The following PRKD3 variants were observed in gnomAD, a reference collection of about 807,000 sequenced individuals.
PRKD3 encodes the protein protein kinase D3.
Under a neutral mutation model 99.2 loss-of-function variants are expected in PRKD3, and 47 were observed. The ratio of observed to expected loss-of-function variants is 0.47; its 90% CI spans 0.38 to 0.60. PRKD3 has a LOEUF of 0.60. Ranked by LOEUF, PRKD3 falls within the 20% of genes least tolerant of loss-of-function variation. The pLI, the probability that PRKD3 is intolerant of heterozygous loss-of-function variation, is 0.00. For missense variants in PRKD3, 1,019 were observed against 1,088.4 expected, an observed-to-expected ratio of 0.94 and a Z score of 0.90; for synonymous variants, 392 against 355.4, an observed-to-expected ratio of 1.10 and a Z score of -1.16.
At chr2:37,285,539 C>A (rs1283978303) in intron 6 of PRKD3, among the ~76,000 whole-genome samples, 3 of 151,986 alleles carry the variant, frequency 2.0e-5, no homozygotes, top group East Asian at 1.9e-4. Context: ...ACAAAAAAAA[C>A]CCAAAACTCT....
chr2:37,266,178 G>C (rs922033212), intron 14 of PRKD3, among the ~76,000 whole-genome samples: 1 of 152,148 alleles, frequency 6.6e-6, no homozygotes, highest in South Asian at 2.1e-4. Context: ...CTCTGAAAAA[G>C]TGAGGTAAAT....
intron 2 of PRKD3, among the ~76,000 whole-genome samples, chr2:37,311,835 T>C (rs1671438372): frequency 6.6e-6 from 1 of 152,142 alleles, no homozygotes; most frequent in Non-Finnish European, 1.5e-5. Context: ...TAGATAGAAC[T>C]CTTAAACAGA....
In PRKD3 at chr2:37,279,938, A is replaced by T. The variant is rs570918619; in HGVS notation, c.989-9T>A. 1 of 1,569,850 alleles carries T rather than the reference A, an allele frequency of 6.4e-7. No homozygotes were observed. On this transcript the variant is annotated splice_polypyrimidine_tract_variant and intron_variant, in intron 7 of 18. Coordinates refer to ENST00000234179, the MANE Select transcript of PRKD3 (RefSeq NM_005813.6). The stretch of plus-strand genomic sequence containing the variant: ...TCCCAGACTGGAAGGTTCTGGGAAA[A>T]TTTTAAATGAATTTCAGAGTTTTAT...
At chr2:37,297,040 T>C (rs905226695) in intron 2 of PRKD3, among the ~76,000 whole-genome samples, 1 of 151,910 alleles carries the variant, frequency 6.6e-6, no homozygotes, top group Middle Eastern at 3.2e-3. Context: ...TTATGAAGAA[T>C]TATACAGAAC....
chr2:37,260,337 G>T lies in PRKD3; in HGVS notation c.1932C>A (p.Thr644=). 6.2e-7 allele frequency: 1 copy of T among 1,611,122 alleles called. No individual in the cohort carries two copies. The highest frequency in any genetic ancestry group is 1.1e-5 in the South Asian group (1 of 90,998). The change falls in exon 15 of 19, where the codon ACC becomes ACA. Residue 644 remains threonine (T), a synonymous_variant. Coordinates refer to ENST00000234179, the MANE Select transcript of PRKD3 (RefSeq NM_005813.6). The part of the protein sequence containing the change: ...GIVNLECMFE[T]PERVFVVMEK... Reference sequence around the variant, plus strand: ...CCATTACTACAAAGACTCGTTCTGGGGTTTCAAACATACATTCCAGGTTTA... The same window carrying T: ...CCATTACTACAAAGACTCGTTCTGGTGTTTCAAACATACATTCCAGGTTTA...
intron 16 of PRKD3, among the ~76,000 whole-genome samples, 173 bp from the exon 17 acceptor site, chr2:37,257,102 C>T (rs143602928): frequency 7.9e-5 from 12 of 152,242 alleles, no homozygotes; most frequent in African/African-American, 2.9e-4. Flanking sequence ...AAGGCAGACA[C>T]ATTTATAGCC....
chr2:37,256,444 T>C (rs1341635634), intron 17 of PRKD3, among the ~76,000 whole-genome samples: 1 of 152,160 alleles, frequency 6.6e-6, no homozygotes, highest in East Asian at 1.9e-4. Flanking sequence ...CTGGGGCCTA[T>C]GTAAGTGCTA....
intron 11 of PRKD3, among the ~76,000 whole-genome samples, chr2:37,273,265 T>C (rs1323069073): frequency 1.3e-5 from 2 of 152,186 alleles, no homozygotes; most frequent in Non-Finnish European, 2.9e-5. Context: ...TTAATTAGAA[T>C]GACATAGAGT....
chr2:37,269,336 C>T (rs1558537644), intron 13 of PRKD3: 1 of 356,526 alleles, frequency 2.8e-6, no homozygotes, highest in South Asian at 3.0e-5. Context: ...AAACCATCTC[C>T]CCCCCTGCCT....
At position 37,252,841 on chromosome 2, in the gene PRKD3, T is replaced by TATATATATATATATATATA. The variant is rs1553362954; in HGVS notation, c.*335_*336insTATATATATATATATATAT. ...ATTAAAAAAACAAACAAACATATAT[T>TATATATATATATATATATA]TATATTTATATATATATATATAAAG... On this transcript the variant is annotated 3_prime_UTR_variant, in exon 19 of 19. Coordinates refer to ENST00000234179, the MANE Select transcript of PRKD3 (RefSeq NM_005813.6). The TATATATATATATATATATA allele has an allele frequency of 2.5e-5, 2 of 80,508 alleles. No homozygotes were observed. Among genetic ancestry groups the TATATATATATATATATATA allele is most frequent in the South Asian group, 9.6e-4 (2 of 2,080 alleles). The allele number at this position is 80,508 out of a possible 1,614,324, so 5.0% of individuals were successfully genotyped here.
intron 2 of PRKD3, among the ~76,000 whole-genome samples, chr2:37,310,235 T>C (rs1671362990): frequency 6.6e-6 from 1 of 152,228 alleles, no homozygotes; most frequent in African/African-American, 2.4e-5. Context: ...CCTCGAAGTG[T>C]AATAGCTCAA....
At chr2:37,271,604 C>G (rs1333885118) in intron 12 of PRKD3, among the ~76,000 whole-genome samples, 1 of 152,178 alleles carries the variant, frequency 6.6e-6, no homozygotes, top group Non-Finnish European at 1.5e-5. Flanking sequence ...GCATTACTGC[C>G]CAAGCTCCGC....
At chr2:37,272,295 AC>A (rs1429755964) in intron 12 of PRKD3, 84 bp downstream of exon 12, 2 of 1,550,608 alleles carry the variant, frequency 1.3e-6, no homozygotes, top group East Asian at 4.8e-5. Context: ...TGGGCGATGA[AC>A]CAATTTCTCT....
chr2:37,316,417 G>A lies in PRKD3; in HGVS notation c.108C>T (p.Leu36=), dbSNP rs1453156778. 4 of 1,614,242 alleles carry A rather than the reference G, an allele frequency of 2.5e-6. No individual in the cohort carries two copies. Among genetic ancestry groups the A allele is most frequent in the Non-Finnish European group, 3.4e-6 (4 of 1,180,046 alleles). ...AGCTTCCATTAGAGAGTCGGGCAGA[G>A]AGTCCCGTCTTAGGACTTGAACACG... ...ASPCSSPKTG[L]SARLSNGSFS... Residue 36 remains leucine (L), a synonymous_variant, in exon 2 of 19, where the codon CTC becomes CTT. Coordinates refer to ENST00000234179, the MANE Select transcript of PRKD3 (RefSeq NM_005813.6).
rs1325390732 is a variant in PRKD3, at chr2:37,279,903, C to G, written c.1015G>C (p.Asp339His). 3 of 1,610,068 alleles carry G rather than the reference C, an allele frequency of 1.9e-6. No individual in the cohort carries two copies. Among genetic ancestry groups the G allele is most frequent in the Non-Finnish European group, 8.5e-7 (1 of 1,178,346 alleles). ...TTATTGTCAATATCCATTGGTATAT[C>G]TGTATCTGTTCCCAGACTGGAAGGT... ...GEPSSLGTDT[D>H]IPMDIDNNDI... The change falls in exon 8 of 19, where the codon GAT becomes CAT. Residue 339 changes from aspartate (D) to histidine (H), a missense_variant. Physicochemically the swap from Asp to His is moderately conservative, Grantham distance 81. Transcript: ENST00000234179.
chr2:37,258,725 A>G (rs1668172917), intron 16 of PRKD3, among the ~76,000 whole-genome samples: 3 of 152,248 alleles, frequency 2.0e-5, no homozygotes, highest in Admixed American at 2.0e-4. Context: ...CATAAAAAGA[A>G]TATGATTACT....
rs148644422 is a variant in PRKD3, at chr2:37,311,807, T to G, written c.288+4430A>C. ...CCATTAGACTAGAGGTTCTAGACTG[T>G]GGCTCTCATTAGAATCATAGATAGA... is the stretch of plus-strand genomic sequence containing the variant. On this transcript the variant is annotated intron_variant, in intron 2 of 18. Transcript: ENST00000234179. Among the ~76,000 whole-genome samples, 893 of 152,290 alleles carry G rather than the reference T, an allele frequency of 5.9e-3. 4 individuals are homozygous for G. The highest frequency in any genetic ancestry group is 0.02 in the African/African-American group (842 of 41,548).
intron 2 of PRKD3, among the ~76,000 whole-genome samples, chr2:37,313,013 A>G (rs1171113867): frequency 2.0e-5 from 3 of 152,232 alleles, no homozygotes; most frequent in Non-Finnish European, 4.4e-5. Flanking sequence ...GAAAATAGAA[A>G]TATACTGTTC....
intron 15 of PRKD3, 93 bp from the exon 16 acceptor site, chr2:37,259,774 A>G: frequency 4.7e-6 from 4 of 846,418 alleles, no homozygotes; most frequent in Admixed American, 2.3e-5. Flanking sequence ...AAACTCCACT[A>G]TAGTTCATCA....
Sources: allele counts gnomAD v4.1 joint callset (sites outside exome capture counted in the v4.1 genomes callset), GRCh38; gene constraint gnomAD v4.1.1; transcripts MANE v1.5; gene names NCBI Gene and HGNC (gene_info 2026-07-23, HGNC 2026-07-21).